PARD3B: variants seen among roughly 807,000 people sequenced by gnomAD.
PARD3B encodes partitioning defective 3 homolog B.
In PARD3B, 103 loss-of-function variants were observed where a neutral mutation model predicts 130.2. That is an observed-to-expected ratio of 0.79 (90% CI 0.67 to 0.93). The LOEUF is 0.93. Ranked by LOEUF, PARD3B falls within the 40% of genes least tolerant of loss-of-function variation. The pLI, the probability that PARD3B is intolerant of heterozygous loss-of-function variation, is 0.00. For synonymous variants in PARD3B, 583 were observed against 553.2 expected (o/e 1.05, Z -0.76); for missense variants, 1,609 against 1,499.2 (o/e 1.07, Z -1.21).
intron 4 of PARD3B, among the ~76,000 whole-genome samples, chr2:205,103,330 C>CATATTTTTATTTATGTAAAATAA (rs1702946357): frequency 1.1e-5 from 1 of 91,342 alleles, no homozygotes; most frequent in Non-Finnish European, 2.2e-5. Context: ...GTAAAATAAA[C>CATATTTTTATTTATGTAAAATAA]ATATTTTTAT....
At chr2:204,732,249 C>T (rs539097988) in intron 2 of PARD3B, among the ~76,000 whole-genome samples, 15 of 152,178 alleles carry the variant, frequency 9.9e-5, no homozygotes, top group East Asian at 3.9e-4. Flanking sequence ...AATTCTTAGA[C>T]GCAGTACCAC....
Position 205,354,419 on chromosome 2 carries a change from C to T in PARD3B, c.2631-46594C>T, listed in dbSNP as rs1057401473. 6.6e-5 allele frequency among the ~76,000 whole-genome samples: 10 copies of T among 151,114 alleles called. 1 individual carries two copies. The East Asian group carries it at 7.8e-4, about 12-fold the overall frequency. On this transcript the variant is annotated intron_variant, in intron 18 of 22. Coordinates refer to ENST00000406610, the MANE Select transcript of PARD3B (RefSeq NM_001302769.2). ...GCACATGTATACATATGTAACAAGC[C>T]GGCACGTTGTGCGCATATACCCTAA...
At chr2:204,767,030 G>A (rs1351272894) in intron 2 of PARD3B, among the ~76,000 whole-genome samples, 94 of 95,428 alleles carry the variant, frequency 9.9e-4, no homozygotes, top group African/African-American at 3.1e-3. Context: ...CTAAGTTTTA[G>A]GGTACATGTG....
Position 204,545,898 on chromosome 2 carries a change from T to G in PARD3B, c.-102T>G, listed in dbSNP as rs2125036045. ...GTGTTCCGGGGAGCGGCGCCCCGGG[T>G]CTCTGGGCCCACCCGCCCCGGGCGT... is the stretch of plus-strand genomic sequence containing the variant. On this transcript the variant is annotated 5_prime_UTR_variant, in exon 1 of 23. Coordinates refer to ENST00000406610, the MANE Select transcript of PARD3B (RefSeq NM_001302769.2). 5 of 1,293,710 alleles carry G rather than the reference T, an allele frequency of 3.9e-6. No homozygotes were observed. The highest frequency in any genetic ancestry group is 3.0e-6 in the Non-Finnish European group (3 of 989,246). 80.1% of individuals were successfully genotyped at this position (1,293,710 alleles called of 1,614,324 possible). A position where few individuals can be genotyped will look rare whatever the true frequency, so the allele number is the denominator to read the frequency against.
At chr2:205,544,756 G>A (rs752677946) in intron 21 of PARD3B, among the ~76,000 whole-genome samples, 2 of 152,076 alleles carry the variant, frequency 1.3e-5, no homozygotes, top group Non-Finnish European at 2.9e-5. Flanking sequence ...CTGTCATTCT[G>A]CTATAAAATC....
intron 3 of PARD3B, among the ~76,000 whole-genome samples, chr2:205,004,887 A>G (rs1342920640): frequency 3.9e-5 from 6 of 151,926 alleles, no homozygotes; most frequent in African/African-American, 1.5e-4. Flanking sequence ...CCCTCAGTAT[A>G]CTCTAGCAGT....
intron 18 of PARD3B, among the ~76,000 whole-genome samples, chr2:205,319,632 C>A: frequency 6.6e-6 from 1 of 152,120 alleles, no homozygotes. Flanking sequence ...GTTAGTGGGA[C>A]TCTATCTAAT....
intron 4 of PARD3B, among the ~76,000 whole-genome samples, chr2:205,086,478 A>AC (rs1414054473): frequency 6.6e-6 from 1 of 152,146 alleles, no homozygotes; most frequent in South Asian, 2.1e-4. Flanking sequence ...ATCCATTCAC[A>AC]CCTAGTTCTG....
chr2:204,637,989 G>C (rs1436270098), intron 1 of PARD3B, among the ~76,000 whole-genome samples: 1 of 152,042 alleles, frequency 6.6e-6, no homozygotes. Flanking sequence ...CTTTCTTACG[G>C]CATTATCCCT....
At chr2:205,086,306 A>G (rs1316325763) in intron 4 of PARD3B, among the ~76,000 whole-genome samples, 1 of 152,254 alleles carries the variant, frequency 6.6e-6, no homozygotes, top group Non-Finnish European at 1.5e-5. Context: ...TTGGAAAGCC[A>G]TATAGTGCAG....
intron 22 of PARD3B, among the ~76,000 whole-genome samples, chr2:205,582,673 T>G (rs1404620916): frequency 1.3e-5 from 2 of 152,034 alleles, no homozygotes; most frequent in Admixed American, 1.3e-4. Context: ...TTATTGTTTT[T>G]TTTTTTTTTC....
At chr2:205,013,634 G>A (rs1167383369) in intron 3 of PARD3B, among the ~76,000 whole-genome samples, 1 of 152,116 alleles carries the variant, frequency 6.6e-6, no homozygotes, top group Non-Finnish European at 1.5e-5. Context: ...TAATCTTTCT[G>A]TAAGACTCAG....
At chr2:204,575,954 T>C (rs2032237097) in intron 1 of PARD3B, among the ~76,000 whole-genome samples, 1 of 152,176 alleles carries the variant, frequency 6.6e-6, no homozygotes, top group Non-Finnish European at 1.5e-5. Flanking sequence ...ATACATGGCT[T>C]GTAGGTCCTG....
chr2:205,532,728 C>G (rs781495202), intron 21 of PARD3B, among the ~76,000 whole-genome samples: 1 of 152,138 alleles, frequency 6.6e-6, no homozygotes, highest in Non-Finnish European at 1.5e-5. Context: ...CCTTAAACTT[C>G]GCTAAGTTAG....
At chr2:204,797,072 G>A (rs2042399816) in intron 2 of PARD3B, among the ~76,000 whole-genome samples, 1 of 151,586 alleles carries the variant, frequency 6.6e-6, no homozygotes, top group Non-Finnish European at 1.5e-5. Context: ...CTACTCGGGA[G>A]GCTGAGGCAG....
chr2:204,794,902 ATAAT>A (rs2125485201), intron 2 of PARD3B, among the ~76,000 whole-genome samples: 2 of 152,272 alleles, frequency 1.3e-5, no homozygotes, highest in African/African-American at 4.8e-5. Flanking sequence ...CTCTCTCTAG[ATAAT>A]TTATTATTCT....
chr2:205,184,052 G>C (rs555663589), intron 13 of PARD3B, among the ~76,000 whole-genome samples: 1 of 152,184 alleles, frequency 6.6e-6, no homozygotes, highest in East Asian at 1.9e-4. Context: ...TCTTATTCAG[G>C]AGAGAGGCAA....
chr2:204,928,205 A>G (rs905202426), intron 2 of PARD3B, among the ~76,000 whole-genome samples: 1 of 152,048 alleles, frequency 6.6e-6, no homozygotes, highest in African/African-American at 2.4e-5. Flanking sequence ...ACTCTCCTTC[A>G]TAGGATCTTT....
rs925301257 is a variant in PARD3B at position 205,085,840 on chromosome 2, AT to A, written c.505-18581del. Among the ~76,000 whole-genome samples the A allele has an allele frequency of 1.1e-4, 16 of 152,032 alleles. 1 individual carries two copies. The South Asian group carries it at 2.5e-3, about 24-fold the overall frequency. ...TTTGAGGAATGAAATATAACAATATATTTTTCATTATTTTATCATATTTATG... is the reference window on the plus strand; with the variant it reads ...TTTGAGGAATGAAATATAACAATATATTTTCATTATTTTATCATATTTATG... On this transcript the variant is annotated intron_variant, in intron 4 of 22. Coordinates refer to ENST00000406610, the MANE Select transcript of PARD3B (RefSeq NM_001302769.2).
Sources: gnomAD v4.1 joint callset for allele counts (sites outside exome capture counted in the v4.1 genomes callset) on GRCh38, gnomAD v4.1.1 for gene constraint, MANE v1.5 for transcripts, NCBI Gene and HGNC (gene_info 2026-07-23, HGNC 2026-07-21) for gene names.